The following ZNF620 variants were observed in gnomAD, a reference collection of about 807,000 sequenced individuals.
ZNF620 encodes the protein zinc finger protein 620.
A neutral mutation model predicts 13.3 loss-of-function variants in ZNF620; 10 were observed. The observed-to-expected ratio is 0.75, with a 90% CI of 0.46 to 1.28. ZNF620 has a LOEUF of 1.28. ZNF620 is among the 50% of genes most tolerant of loss of function. ZNF620 has a pLI of 0.00. For synonymous variants in ZNF620, 166 were observed against 177.6 expected (o/e 0.93, Z 0.52); for missense variants, 461 against 500.2 (o/e 0.92, Z 0.75).
chr3:40,515,902 A>G lies in ZNF620; in HGVS notation c.308A>G (p.Asp103Gly). The G allele has an allele frequency of 6.2e-7, 1 of 1,613,634 alleles. No homozygotes were observed. Among genetic ancestry groups the G allele is most frequent in the Non-Finnish European group, 8.5e-7 (1 of 1,179,912 alleles). Residue 103 changes from aspartate to glycine, a missense_variant, in exon 5 of 5, where the codon GAT becomes GGT. Coordinates refer to ENST00000314529, the MANE Select transcript of ZNF620 (RefSeq NM_175888.4). ...GAGAAGGAAGGATTAACTCCAAAGGATCATGTGTCCAAAGAAACAGAGTCC... is the reference window on the plus strand; with the variant it reads ...GAGAAGGAAGGATTAACTCCAAAGGGTCATGTGTCCAAAGAAACAGAGTCC... ...RTEKEGLTPKDHVSKETESFR... is the reference protein window; with the variant it reads ...RTEKEGLTPKGHVSKETESFR...
In ZNF620 at chr3:40,516,603, G is replaced by C. The variant is rs747070554; in HGVS notation, c.1009G>C (p.Glu337Gln). ...QRMHTGEKPY[E>Q]CKECGKRLSS... is the part of the protein sequence containing the mutation. ...AATGCACACTGGGGAGAAACCTTAT[G>C]AATGTAAAGAGTGTGGAAAACGATT... Residue 337 changes from glutamate to glutamine, a missense_variant, in exon 5 of 5, where the codon GAA becomes CAA. Transcript: ENST00000314529. 1.2e-6 allele frequency: 2 copies of C among 1,614,004 alleles called. No individual in the cohort carries two copies. Among genetic ancestry groups the C allele is most frequent in the Admixed American group, 3.3e-5 (2 of 59,992 alleles).
intron 2 of ZNF620, chr3:40,508,795 C>T (rs1236108948): frequency 2.2e-6 from 1 of 456,512 alleles, no homozygotes; most frequent in Non-Finnish European, 4.4e-6. Context: ...CTGTGCTTGG[C>T]TCTCTTCTTT....
rs1037755295 is a variant in ZNF620 at position 40,517,489 on chromosome 3, A to G, written c.*626A>G. ...CTTGAATCCCTGAGGCAGAGGTTGC[A>G]GTGAGCTGAGATCGCACCACTGCAC... On this transcript the variant is annotated 3_prime_UTR_variant, in exon 5 of 5. Coordinates refer to ENST00000314529, the MANE Select transcript of ZNF620 (RefSeq NM_175888.4). 2.6e-5 allele frequency: 4 copies of G among 152,088 alleles called. No individual in the cohort carries two copies. Among genetic ancestry groups the G allele is most frequent in the African/African-American group, 9.7e-5 (4 of 41,428 alleles). The allele number at this position is 152,088 out of a possible 1,614,324, so 9.4% of individuals were successfully genotyped here.
chr3:40,508,494 A>C (rs942132338), intron 2 of ZNF620, among the ~76,000 whole-genome samples: 26 of 152,216 alleles, frequency 1.7e-4, no homozygotes, highest in Non-Finnish European at 2.9e-5. Context: ...TGTGATATCA[A>C]ATTTAATTGC....
intron 4 of ZNF620, among the ~76,000 whole-genome samples, chr3:40,513,121 T>A (rs971245455): frequency 2.0e-5 from 3 of 151,788 alleles, no homozygotes; most frequent in Non-Finnish European, 4.4e-5. Context: ...GCAAAATTTA[T>A]TGTAAATTAA....
intron 2 of ZNF620, 57 bp downstream of exon 2, chr3:40,506,433 G>T: frequency 1.3e-6 from 2 of 1,579,794 alleles, no homozygotes; most frequent in South Asian, 2.3e-5. Context: ...GAGAGCAGGT[G>T]TCACCTCTGC....
Position 40,516,905 on chromosome 3 carries a change from C to CT in ZNF620, c.*45dup. ...GCCCACTGTGCCTCTCCTTTTTTCTCTTTATTTTCATGCTTTTTATCAGTG... is the reference window on the plus strand; with the variant it reads ...GCCCACTGTGCCTCTCCTTTTTTCTCTTTTATTTTCATGCTTTTTATCAGTG... On this transcript the variant is annotated 3_prime_UTR_variant, in exon 5 of 5. Coordinates refer to ENST00000314529, the MANE Select transcript of ZNF620 (RefSeq NM_175888.4). The CT allele has an allele frequency of 6.6e-7, 1 of 1,526,080 alleles. No individual in the cohort carries two copies. The highest frequency in any genetic ancestry group is 8.8e-7 in the Non-Finnish European group (1 of 1,137,702). 94.5% of individuals were successfully genotyped at this position (1,526,080 alleles called of 1,614,324 possible). A position where few individuals can be genotyped will look rare whatever the true frequency, so the allele number is the denominator to read the frequency against.
At chr3:40,506,511 A>G in intron 2 of ZNF620, 135 bp downstream of exon 2, 6 of 1,059,576 alleles carry the variant, frequency 5.7e-6, no homozygotes, top group Non-Finnish European at 7.0e-6. Flanking sequence ...AGGGATGGAG[A>G]GGTGAGAATG....
Position 40,516,231 on chromosome 3 carries a change from C to G in ZNF620, c.637C>G (p.Arg213Gly), listed in dbSNP as rs748583593. The G allele has an allele frequency of 9.9e-6, 16 of 1,613,828 alleles. 1 individual carries two copies. The highest frequency in any genetic ancestry group is 3.3e-4 in the Middle Eastern group (2 of 6,084). ...TTTCATTCAAATGGCAGACTTCCAC[C>G]GACATGAGAAATGTCACACTGGTGA... ...RYFIQMADFHRHEKCHTGEKS... is the reference protein window; with the variant it reads ...RYFIQMADFHGHEKCHTGEKS... Residue 213 changes from arginine to glycine, a missense_variant, in exon 5 of 5, where the codon CGA becomes GGA. By Grantham distance (125) the Arg-to-Gly change is moderately radical (BLOSUM62 -2). Coordinates refer to ENST00000314529, the MANE Select transcript of ZNF620 (RefSeq NM_175888.4).
In ZNF620 at chr3:40,506,347, C is replaced by T. The variant is rs773189826; in HGVS notation, c.-6C>T. On this transcript the variant is annotated 5_prime_UTR_variant, in exon 2 of 5. Coordinates refer to ENST00000314529, the MANE Select transcript of ZNF620 (RefSeq NM_175888.4). ...TGAGGCAGTGTGTGAAGCTGGGACG[C>T]CAGCCATGTTCCAGACCGCTTGGCG... The T allele has an allele frequency of 1.9e-6, 3 of 1,613,942 alleles. No homozygotes were observed. Among genetic ancestry groups the T allele is most frequent in the African/African-American group, 1.3e-5 (1 of 74,902 alleles).
intron 4 of ZNF620, among the ~76,000 whole-genome samples, chr3:40,513,634 G>C (rs1405990359): frequency 1.3e-5 from 2 of 151,520 alleles, no homozygotes; most frequent in Non-Finnish European, 2.9e-5. Flanking sequence ...AGCCACCCAG[G>C]TGCCAAGGCA....
chr3:40,511,102 G>C (rs554211165), intron 2 of ZNF620, among the ~76,000 whole-genome samples: 1 of 152,252 alleles, frequency 6.6e-6, no homozygotes, highest in Admixed American at 6.5e-5. Flanking sequence ...GTTAGGGAGA[G>C]AGTGAAGATC....
In ZNF620 at chr3:40,516,608, TAA is replaced by T. The variant is rs1386105064; in HGVS notation, c.1016_1017del (p.Lys339ArgfsTer26). 1.9e-6 allele frequency: 3 copies of T among 1,614,038 alleles called. No individual in the cohort carries two copies. Among genetic ancestry groups the T allele is most frequent in the African/African-American group, 1.3e-5 (1 of 74,928 alleles). On this transcript the variant is annotated frameshift_variant, in exon 5 of 5. Transcript: ENST00000314529. LOFTEE classifies it low-confidence loss of function (END_TRUNC). ...MHTGEKPYEC[K>X]ECGKRLSSNT... ...ACACTGGGGAGAAACCTTATGAATG[TAA>T]AGAGTGTGGAAAACGATTAAGCTCC...
intron 2 of ZNF620, among the ~76,000 whole-genome samples, chr3:40,507,991 A>G (rs769402249): frequency 4.6e-5 from 7 of 152,170 alleles, no homozygotes; most frequent in Non-Finnish European, 7.3e-5. Context: ...AGTTGTAGAA[A>G]TTATTCACAT....
At chr3:40,512,334 A>C in intron 3 of ZNF620, 68 bp from the exon 4 acceptor site, 1 of 1,322,794 alleles carries the variant, frequency 7.6e-7, no homozygotes, top group Non-Finnish European at 1.1e-6. Context: ...ATAAAGATAA[A>C]GGGGGCTGCA....
rs771878161 is a variant in ZNF620, at chr3:40,515,814, GT to G, written c.266-45del. On this transcript the variant is annotated intron_variant, in intron 4 of 4. Coordinates refer to ENST00000314529, the MANE Select transcript of ZNF620 (RefSeq NM_175888.4). ...TGTGTGTGTGTGTGTGTGTGTGTGT[GT>G]GTGTGATATCAGGGACTGACATTTG... 9,398 of 1,414,766 alleles carry G rather than the reference GT, an allele frequency of 6.6e-3. 164 individuals are homozygous for G. The highest frequency in any genetic ancestry group is 0.025 in the East Asian group (950 of 38,206). The allele number at this position is 1,414,766 out of a possible 1,614,324, so 87.6% of individuals were successfully genotyped here.
intron 2 of ZNF620, among the ~76,000 whole-genome samples, chr3:40,507,172 C>T (rs116013384): frequency 0.054 from 7,940 of 146,190 alleles, 713 homozygotes; most frequent in African/African-American, 0.19. Flanking sequence ...GTTCACTGCA[C>T]CCTCCACCTC....
chr3:40,511,722 C>T, intron 3 of ZNF620, 126 bp downstream of exon 3: 1 of 1,293,744 alleles, frequency 7.7e-7, no homozygotes, highest in African/African-American at 1.5e-5. Flanking sequence ...CCCTCTGTCG[C>T]CCAGGCTGGA....
chr3:40,516,958 T>C lies in ZNF620; in HGVS notation c.*95T>C. 7.2e-7 allele frequency: 1 copy of C among 1,389,766 alleles called. No individual in the cohort carries two copies. 86.1% of individuals were successfully genotyped at this position (1,389,766 alleles called of 1,614,324 possible). A position where few individuals can be genotyped will look rare whatever the true frequency, so the allele number is the denominator to read the frequency against. On this transcript the variant is annotated 3_prime_UTR_variant, in exon 5 of 5. Coordinates refer to ENST00000314529, the MANE Select transcript of ZNF620 (RefSeq NM_175888.4). ...CTCGCTGTCCTTCCTGGTTAGACAC[T>C]TGGCTTTCATCATGAACTCTTCTTT...
Sources: allele counts gnomAD v4.1 joint callset (sites outside exome capture counted in the v4.1 genomes callset), GRCh38; gene constraint gnomAD v4.1.1; transcripts MANE v1.5; gene names NCBI Gene and HGNC (gene_info 2026-07-23, HGNC 2026-07-21).